Variants in NAV2 observed in about 807,000 individuals in gnomAD.
The protein encoded by NAV2 is helicase, APC down-regulated 1.
NAV2 carries 54 observed loss-of-function variants against 223.2 expected under a neutral mutation model. The ratio of observed to expected loss-of-function variants is 0.24; its 90% CI spans 0.19 to 0.30. NAV2 has a LOEUF of 0.30. Ranked by LOEUF, NAV2 falls within the 10% of genes least tolerant of loss-of-function variation. The probability of loss-of-function intolerance (pLI) is 1.00; values close to 1 mark genes in which losing one functional copy is unlikely to be tolerated. For missense variants in NAV2, 2,806 were observed against 3,147.5 expected (o/e 0.89, Z 2.60); for synonymous variants, 1,279 against 1,239.3 (o/e 1.03, Z -0.67).
intron 1 of NAV2, among the ~76,000 whole-genome samples, chr11:19,576,903 G>C (rs2045587224): frequency 6.6e-6 from 1 of 152,198 alleles, no homozygotes; most frequent in African/African-American, 2.4e-5. Flanking sequence ...CCATCTGGCT[G>C]TCTTAGGCTG....
intron 1 of NAV2, among the ~76,000 whole-genome samples, chr11:19,354,705 G>T (rs74642929): frequency 1.3e-5 from 2 of 152,332 alleles, no homozygotes; most frequent in East Asian, 1.9e-4. Flanking sequence ...GATGCATAAG[G>T]TATTAAGATC....
intron 1 of NAV2, among the ~76,000 whole-genome samples, chr11:19,521,958 G>A (rs1404426881): frequency 6.6e-6 from 1 of 152,176 alleles, no homozygotes; most frequent in African/African-American, 2.4e-5. Context: ...TAAAACTGGG[G>A]TTTTAGAGTT....
intron 1 of NAV2, among the ~76,000 whole-genome samples, chr11:19,757,492 G>C (rs777667738): frequency 8.5e-5 from 13 of 152,108 alleles, no homozygotes; most frequent in Non-Finnish European, 8.8e-5. Flanking sequence ...CCTCTGCCTC[G>C]GGTTAACTGT....
chr11:19,705,611 C>T (rs77613031), intron 1 of NAV2, among the ~76,000 whole-genome samples: 1,935 of 152,194 alleles, frequency 0.013, 44 homozygotes, highest in African/African-American at 0.044. Context: ...GGATCTCACT[C>T]TTGTCTATCT....
chr11:20,055,899 G>A lies in NAV2; in HGVS notation c.4773G>A (p.Leu1591=), dbSNP rs190767279. The A allele has an allele frequency of 2.5e-6, 4 of 1,614,194 alleles. No homozygotes were observed. The East Asian group carries it at 8.9e-5, about 36-fold the overall frequency. The part of the protein sequence containing the change: ...DSRFRNSSMS[L]DEKSRTMSRS... ...GCTTCCGGAATAGCTCCATGTCCCTGGATGAGAAGAGCAGAACCATGAGCC... is the reference window on the plus strand; with the variant it reads ...GCTTCCGGAATAGCTCCATGTCCCTAGATGAGAAGAGCAGAACCATGAGCC... Residue 1591 remains leucine, a synonymous_variant, in exon 19 of 38, where the codon CTG becomes CTA. Coordinates refer to ENST00000349880, the MANE Select transcript of NAV2 (RefSeq NM_145117.5).
At chr11:19,620,094 G>A (rs1173014510) in intron 1 of NAV2, among the ~76,000 whole-genome samples, 2 of 152,024 alleles carry the variant, frequency 1.3e-5, no homozygotes, top group African/African-American at 2.4e-5. Context: ...ATTTCTGAGG[G>A]CTCTGTTCTG....
At chr11:19,778,595 A>G (rs969004627) in intron 1 of NAV2, among the ~76,000 whole-genome samples, 4 of 152,238 alleles carry the variant, frequency 2.6e-5, no homozygotes, top group African/African-American at 9.6e-5. Flanking sequence ...TGCTAAATCA[A>G]CCAAAGCTGG....
At chr11:19,485,783 G>A (rs926231972) in intron 1 of NAV2, among the ~76,000 whole-genome samples, 5 of 152,008 alleles carry the variant, frequency 3.3e-5, no homozygotes, top group Non-Finnish European at 5.9e-5. Flanking sequence ...GGAGACCAGG[G>A]GATGGATCCG....
At chr11:19,579,099 C>T (rs561295950) in intron 1 of NAV2, among the ~76,000 whole-genome samples, 4 of 152,248 alleles carry the variant, frequency 2.6e-5, no homozygotes, top group East Asian at 1.9e-4. Context: ...ATGATGTGTA[C>T]GTAGGTGGGT....
intron 1 of NAV2, among the ~76,000 whole-genome samples, chr11:19,468,288 ACAAACTGGGAGATTTAAAG>A (rs2133912646): frequency 6.6e-6 from 1 of 152,352 alleles, no homozygotes; most frequent in South Asian, 2.1e-4. Context: ...ACAAAGTGCC[ACAAACTGGGAGATTTAAAG>A]CAACAGAAAT....
At chr11:19,946,283 C>G (rs2046931906) in intron 8 of NAV2, 118 bp from the exon 9 acceptor site, 1 of 800,484 alleles carries the variant, frequency 1.2e-6, no homozygotes, top group Non-Finnish European at 1.9e-6. Flanking sequence ...TATTAAGCAC[C>G]CACAGCAAGG....
chr11:19,601,435 G>A (rs1192221827), intron 1 of NAV2, among the ~76,000 whole-genome samples: 2 of 152,116 alleles, frequency 1.3e-5, no homozygotes, highest in African/African-American at 2.4e-5. Flanking sequence ...GGTCCTTTTT[G>A]GATGGTGCTC....
intron 10 of NAV2, among the ~76,000 whole-genome samples, chr11:19,977,985 T>TTG (rs1555177031): frequency 6.9e-5 from 7 of 101,554 alleles, no homozygotes; most frequent in Non-Finnish European, 1.5e-4. Flanking sequence ...TGTTTTTTTT[T>TTG]GTTTTTTTTG....
rs61668060 is a variant in NAV2, at chr11:20,046,596, TCACACACACACA to T, written c.3902+943_3902+954del. Among the ~76,000 whole-genome samples the T allele has an allele frequency of 8.3e-3, 1,214 of 145,974 alleles. 14 individuals are homozygous for T. Among genetic ancestry groups the T allele is most frequent in the African/African-American group, 0.029 (1,137 of 39,486 alleles). ...TGAAATTTTAACTTCCCCCTCCCCATCACACACACACACACACACACACACACAAACCTCTTA... is the reference window on the plus strand; with the variant it reads ...TGAAATTTTAACTTCCCCCTCCCCATCACACACACACACACAAACCTCTTA... On this transcript the variant is annotated intron_variant, in intron 14 of 37. Transcript: ENST00000349880.
chr11:19,881,147 G>C (rs2063182939), intron 5 of NAV2, among the ~76,000 whole-genome samples: 1 of 152,196 alleles, frequency 6.6e-6, no homozygotes, highest in Admixed American at 6.5e-5. Flanking sequence ...CTGCCTTTTA[G>C]ACAGTTACAG....
intron 1 of NAV2, among the ~76,000 whole-genome samples, chr11:19,484,380 A>AGC (rs142461029): frequency 6.8e-4 from 104 of 152,308 alleles, no homozygotes; most frequent in Middle Eastern, 6.8e-3. Context: ...ACTATTCCAA[A>AGC]GCTCTGGCTG....
At chr11:19,973,954 CT>C (rs2153432933) in intron 10 of NAV2, among the ~76,000 whole-genome samples, 1 of 152,306 alleles carries the variant, frequency 6.6e-6, no homozygotes, top group African/African-American at 2.4e-5. Flanking sequence ...CCATGAGTCA[CT>C]TGATATTTTA....
At chr11:19,804,560 T>C (rs2152785780) in intron 1 of NAV2, among the ~76,000 whole-genome samples, 1 of 152,320 alleles carries the variant, frequency 6.6e-6, no homozygotes. Context: ...CTCCTGGCTG[T>C]GTTGAATGAC....
intron 3 of NAV2, among the ~76,000 whole-genome samples, chr11:19,844,095 A>G (rs766741241): frequency 6.6e-6 from 1 of 152,250 alleles, no homozygotes; most frequent in Non-Finnish European, 1.5e-5. Flanking sequence ...CTTCTTACAT[A>G]GGAAAGTCCC....
Sources: allele counts gnomAD v4.1 joint callset (sites outside exome capture counted in the v4.1 genomes callset), GRCh38; gene constraint gnomAD v4.1.1; transcripts MANE v1.5; gene names NCBI Gene and HGNC (gene_info 2026-07-23, HGNC 2026-07-21).